The following SIN3B variants were observed in gnomAD, a reference collection of about 807,000 sequenced individuals.
SIN3B encodes the protein paired amphipathic helix protein Sin3b.
In SIN3B, 19 loss-of-function variants were observed where a neutral mutation model predicts 120.2. The observed-to-expected ratio is 0.16, with a 90% CI of 0.11 to 0.23. The LOEUF is 0.23. Ranked by LOEUF, SIN3B falls within the 10% of genes least tolerant of loss-of-function variation. The pLI is 1.00. For missense variants in SIN3B, 1,073 were observed against 1,573.0 expected, an observed-to-expected ratio of 0.68 and a Z score of 5.38; for synonymous variants, 654 against 653.2, an observed-to-expected ratio of 1.00 and a Z score of -0.02.
chr19:16,864,468 A>G (rs1014995110), intron 10 of SIN3B, among the ~76,000 whole-genome samples: 1 of 148,668 alleles, frequency 6.7e-6, no homozygotes, highest in Non-Finnish European at 1.5e-5. Flanking sequence ...AACTGGAACC[A>G]CAAGTCCATA....
At chr19:16,847,986 G>C (rs553773638) in intron 5 of SIN3B, among the ~76,000 whole-genome samples, 1 of 152,306 alleles carries the variant, frequency 6.6e-6, no homozygotes, top group East Asian at 1.9e-4. Context: ...GGACATTTCA[G>C]ATGGGTGGAA....
rs1391313831 is a variant in SIN3B, at chr19:16,874,779, G to T, written c.2593-1276G>T. Among the ~76,000 whole-genome samples, 6 of 151,554 alleles carry T rather than the reference G, an allele frequency of 4.0e-5. No individual in the cohort carries two copies. The East Asian group carries it at 1.2e-3, about 30-fold the overall frequency. ...GGTCTAGTTTGGTTGGTTTTGGTTT[G>T]GTCTGGTTTGGTGTGGTTTGGTCTG... On this transcript the variant is annotated intron_variant, in intron 14 of 18. Transcript: ENST00000248054.
At chr19:16,870,309 C>T (rs2051493428) in intron 13 of SIN3B, among the ~76,000 whole-genome samples, 1 of 152,210 alleles carries the variant, frequency 6.6e-6, no homozygotes, top group Admixed American at 6.5e-5. Flanking sequence ...GCACCCTCTC[C>T]TGACTGGGGA....
intron 5 of SIN3B, among the ~76,000 whole-genome samples, chr19:16,849,647 G>C (rs937331037): frequency 3.9e-5 from 6 of 152,218 alleles, no homozygotes; most frequent in Admixed American, 3.9e-4. Flanking sequence ...AGAACCATGT[G>C]AACTGTTGGG....
intron 6 of SIN3B, 73 bp downstream of exon 6, chr19:16,851,607 C>A: frequency 6.7e-7 from 1 of 1,494,798 alleles, no homozygotes; most frequent in Non-Finnish European, 8.9e-7. Flanking sequence ...AGCATGTGAC[C>A]AGGGAACAGA....
chr19:16,877,291 C>T (rs944412397), intron 16 of SIN3B: 2 of 507,152 alleles, frequency 3.9e-6, no homozygotes, highest in Non-Finnish European at 3.5e-6. Context: ...CCTGCTCTTC[C>T]AGCTTCCGGG....
At chr19:16,851,571 G>A in intron 6 of SIN3B, 37 bp downstream of exon 6, 1 of 1,541,612 alleles carries the variant, frequency 6.5e-7, no homozygotes, top group Non-Finnish European at 8.8e-7. Context: ...CCTGCACGCG[G>A]GGCCCCCAGC....
chr19:16,877,424 C>T (rs1194232413), intron 16 of SIN3B, 121 bp from the exon 17 acceptor site: 4 of 705,140 alleles, frequency 5.7e-6, no homozygotes, highest in African/African-American at 5.3e-5. Context: ...AGCGGCTCTC[C>T]TCATGCTCTG....
intron 14 of SIN3B, chr19:16,872,659 G>T (rs978626563): frequency 2.6e-5 from 4 of 152,140 alleles, no homozygotes; most frequent in African/African-American, 7.2e-5. Flanking sequence ...GGGCAGGCTG[G>T]TCTCGAACTC....
intron 7 of SIN3B, 53 bp downstream of exon 7, chr19:16,853,211 G>T: frequency 5.2e-6 from 8 of 1,525,330 alleles, no homozygotes; most frequent in Non-Finnish European, 7.3e-6. Context: ...AGCTGGCTGG[G>T]CCAATGCTCC....
rs142862836 is a variant in SIN3B at position 16,839,706 on chromosome 19, T to G, written c.382-2062T>G. 2.2e-4 allele frequency among the ~76,000 whole-genome samples: 33 copies of G among 152,006 alleles called. No individual in the cohort carries two copies. In the East Asian group the frequency reaches 5.8e-3, roughly 27 times the overall value. ...CCTGAGCAGAGAATCATTCCGGACA[T>G]CCCCAGAGAATCTTACAACAAACCC... On this transcript the variant is annotated intron_variant, in intron 3 of 18. Transcript: ENST00000248054.
At position 16,841,969 on chromosome 19, in the gene SIN3B, G is replaced by GT; in HGVS notation, c.582+2dup. On this transcript the variant is annotated splice_donor_variant, in intron 4 of 18. Coordinates refer to ENST00000248054, the MANE Select transcript of SIN3B (RefSeq NM_001297595.2). LOFTEE classifies it high-confidence loss of function. ...CCTGGAGATCCTGCACACGTACCAG[G>GT]TAAGAACTCAGATTACAATTCCTTG... is the stretch of plus-strand genomic sequence containing the variant. 1.2e-6 allele frequency: 2 copies of GT among 1,612,332 alleles called. No individual in the cohort carries two copies. The highest frequency in any genetic ancestry group is 1.7e-6 in the Non-Finnish European group (2 of 1,178,626).
rs538180454 is a variant in SIN3B at position 16,862,794 on chromosome 19, G to A, written c.1266+235G>A. 247 of 1,122,300 alleles carry A rather than the reference G, an allele frequency of 2.2e-4. 1 individual carries two copies. Among genetic ancestry groups the A allele is most frequent in the Admixed American group, 5.2e-4 (30 of 58,010 alleles). 69.5% of individuals were successfully genotyped at this position (1,122,300 alleles called of 1,614,324 possible). A position where few individuals can be genotyped will look rare whatever the true frequency, so the allele number is the denominator to read the frequency against. ...GAGTGCCAGGGATAACGTGGAGTTCGGCTTATTCATCTGTTATTTGACTTA... is the reference window on the plus strand; with the variant it reads ...GAGTGCCAGGGATAACGTGGAGTTCAGCTTATTCATCTGTTATTTGACTTA... On this transcript the variant is annotated intron_variant, in intron 9 of 18. Coordinates refer to ENST00000248054, the MANE Select transcript of SIN3B (RefSeq NM_001297595.2). The surrounding 1 kb of genome is among the most constrained non-coding windows in gnomAD (Gnocchi z 4.7).
At chr19:16,864,784 A>G (rs1409219167) in intron 10 of SIN3B, among the ~76,000 whole-genome samples, 1 of 150,926 alleles carries the variant, frequency 6.6e-6, no homozygotes, top group Non-Finnish European at 1.5e-5. Context: ...TGAGGCCAGG[A>G]GTTCAAGACC....
At chr19:16,840,806 G>A (rs1971407756) in intron 3 of SIN3B, among the ~76,000 whole-genome samples, 1 of 152,296 alleles carries the variant, frequency 6.6e-6, no homozygotes, top group South Asian at 2.1e-4. Flanking sequence ...CCCCACCCTC[G>A]TGGAGTTCGC....
At chr19:16,839,597 C>T (rs1971391450) in intron 3 of SIN3B, among the ~76,000 whole-genome samples, 1 of 152,130 alleles carries the variant, frequency 6.6e-6, no homozygotes, top group Admixed American at 6.6e-5. Context: ...TGCTGCTTCC[C>T]TACATACCCA....
At chr19:16,852,212 C>T (rs1306144831) in intron 6 of SIN3B, among the ~76,000 whole-genome samples, 4 of 152,226 alleles carry the variant, frequency 2.6e-5, no homozygotes, top group African/African-American at 4.8e-5. Context: ...CTGCAAGCTC[C>T]GCCTCCCGGG....
intron 8 of SIN3B, among the ~76,000 whole-genome samples, chr19:16,860,081 G>A (rs574546768): frequency 6.6e-6 from 1 of 152,216 alleles, no homozygotes; most frequent in Non-Finnish European, 1.5e-5. Flanking sequence ...TTGTTTCCAT[G>A]TTTCAGCAGT....
intron 5 of SIN3B, 51 bp from the exon 6 acceptor site, chr19:16,851,361 A>C: frequency 6.6e-7 from 1 of 1,512,292 alleles, no homozygotes; most frequent in East Asian, 2.5e-5. Flanking sequence ...GCTCAGGTGC[A>C]TGGGTCCAGC....
Sources: gnomAD v4.1 joint callset for allele counts (sites outside exome capture counted in the v4.1 genomes callset) on GRCh38, gnomAD v4.1.1 for gene constraint, Gnocchi (gnomAD v3.1) non-coding constraint, MANE v1.5 for transcripts, NCBI Gene and HGNC (gene_info 2026-07-23, HGNC 2026-07-21) for gene names.